CFAP96: variants seen among roughly 807,000 people sequenced by gnomAD.
The protein encoded by CFAP96 is cilia and flagella associated protein 96, also known as cilia-and flagella-associated protein 96.
At chr4:185,449,799 C>T in the CFAP96 span, 1 of 507,922 alleles carries the variant, frequency 2.0e-6, no homozygotes, top group Non-Finnish European at 3.5e-6. Context: ...TTTAATACTA[C>T]TAGTTAATAA....
the CFAP96 span, among the ~76,000 whole-genome samples, chr4:185,445,945 G>A: frequency 6.6e-6 from 1 of 152,056 alleles, no homozygotes; most frequent in Non-Finnish European, 1.5e-5. Context: ...AGGTTCAAGC[G>A]ATTCTCCTGC....
At chr4:185,418,382 A>G in the CFAP96 span, 3 of 1,305,092 alleles carry the variant, frequency 2.3e-6, no homozygotes, top group Non-Finnish European at 3.2e-6. Context: ...GATTGCACTC[A>G]GTTCCAAATC....
chr4:185,435,399 A>G, the CFAP96 span, among the ~76,000 whole-genome samples: 1 of 152,212 alleles, frequency 6.6e-6, no homozygotes, highest in Admixed American at 6.5e-5. Flanking sequence ...TGTTTACTTC[A>G]ATGGTAACTT....
the CFAP96 span, chr4:185,415,364 A>G: frequency 2.1e-5 from 33 of 1,546,676 alleles, no homozygotes; most frequent in Non-Finnish European, 2.5e-5. Context: ...GGGGAAATAT[A>G]TAAGTGTATT....
At chr4:185,422,706 T>C in the CFAP96 span, 37,444 of 679,770 alleles carry the variant, frequency 0.055, 1,321 homozygotes, top group South Asian at 0.084. Context: ...CCTTGTTTTA[T>C]AGAAAAAACA....
At chr4:185,425,999 G>A in the CFAP96 span, 1 of 1,063,040 alleles carries the variant, frequency 9.4e-7, no homozygotes, top group Non-Finnish European at 1.4e-6. Flanking sequence ...GACATGCTCG[G>A]CGGCATGACG....
At chr4:185,423,720 TTGA>T in the CFAP96 span, among the ~76,000 whole-genome samples, 13 of 152,280 alleles carry the variant, frequency 8.5e-5, no homozygotes, top group African/African-American at 1.9e-4. Context: ...TTTCAGGTAG[TTGA>T]TGATATATCA....
the CFAP96 span, among the ~76,000 whole-genome samples, chr4:185,427,663 G>A: frequency 0.63 from 95,520 of 150,742 alleles, 33,364 homozygotes; most frequent in East Asian, 0.87. Context: ...GGGAGGCTGC[G>A]GCAGGAGAAT....
the CFAP96 span, chr4:185,432,263 A>G: frequency 7.7e-7 from 1 of 1,293,872 alleles, no homozygotes; most frequent in Non-Finnish European, 1.1e-6. Flanking sequence ...TAAATTAAAT[A>G]TTTGTTTTTC....
At chr4:185,433,270 C>G in the CFAP96 span, among the ~76,000 whole-genome samples, 549 of 151,880 alleles carry the variant, frequency 3.6e-3, 3 homozygotes, top group African/African-American at 0.013. Context: ...TGGCATGCAC[C>G]TGTAGTCCCA....
chr4:185,413,141 C>A, the CFAP96 span, among the ~76,000 whole-genome samples: 2 of 152,098 alleles, frequency 1.3e-5, no homozygotes, highest in African/African-American at 4.8e-5. Flanking sequence ...CCTGTCTCTA[C>A]TAAAAATACA....
chr4:185,423,680 A>G, the CFAP96 span, among the ~76,000 whole-genome samples: 1 of 152,218 alleles, frequency 6.6e-6, no homozygotes, highest in African/African-American at 2.4e-5. Flanking sequence ...AAATGGAACT[A>G]ATCAGTTCTT....
At chr4:185,436,741 ATAAT>A in the CFAP96 span, among the ~76,000 whole-genome samples, 2 of 149,640 alleles carry the variant, frequency 1.3e-5, no homozygotes, top group African/African-American at 4.9e-5. Flanking sequence ...AATAATAATA[ATAAT>A]TCACTTGAGA....
chr4:185,417,577 C>G, the CFAP96 span, among the ~76,000 whole-genome samples: 2 of 152,318 alleles, frequency 1.3e-5, no homozygotes, highest in African/African-American at 4.8e-5. Flanking sequence ...AAGAGGCCCA[C>G]GCCCACCTCT....
the CFAP96 span, among the ~76,000 whole-genome samples, chr4:185,413,517 G>A: frequency 6.6e-6 from 1 of 152,290 alleles, no homozygotes; most frequent in African/African-American, 2.4e-5. Flanking sequence ...ATTTTAGTAA[G>A]ATAAATGTGG....
the CFAP96 span, among the ~76,000 whole-genome samples, chr4:185,424,515 C>A: frequency 6.6e-6 from 1 of 152,180 alleles, no homozygotes; most frequent in Non-Finnish European, 1.5e-5. Context: ...TGTCCCAATT[C>A]TACTTCTGAG....
chr4:185,436,436 G>A, the CFAP96 span: 2 of 1,099,088 alleles, frequency 1.8e-6, no homozygotes, highest in Non-Finnish European at 2.7e-6. Flanking sequence ...TTGAGGCCGG[G>A]CACGGTGGCT....
At chr4:185,423,926 C>A in the CFAP96 span, among the ~76,000 whole-genome samples, 79 of 152,222 alleles carry the variant, frequency 5.2e-4, no homozygotes, top group Admixed American at 1.2e-3. Context: ...ATCTCTCAAA[C>A]AGGCTGAAGA....
At chr4:185,416,152 T>C in the CFAP96 span, 1 of 212,528 alleles carries the variant, frequency 4.7e-6, no homozygotes, top group East Asian at 1.0e-4. Context: ...AAAGCACAAA[T>C]ATTATTTTAA....
Sources: allele counts gnomAD v4.1 joint callset (sites outside exome capture counted in the v4.1 genomes callset), GRCh38; gene constraint gnomAD v4.1.1; transcripts MANE v1.5; gene names NCBI Gene and HGNC (gene_info 2026-07-23, HGNC 2026-07-21).